TBC1D5: variants seen among roughly 807,000 people sequenced by gnomAD.
TBC1D5 encodes the protein TBC1 domain family, member 5.
In TBC1D5, 75 loss-of-function variants were observed where a neutral mutation model predicts 100.3. The observed-to-expected ratio is 0.75, with a 90% confidence interval of 0.62 to 0.91. The LOEUF is 0.91. Among genes scored for constraint, TBC1D5 ranks in the 40% least tolerant of loss-of-function variants. TBC1D5 has a pLI of 0.00. For missense variants in TBC1D5, 910 were observed against 942.4 expected (o/e 0.97, Z 0.45); for synonymous variants, 323 against 325.6 (o/e 0.99, Z 0.09).
At position 17,234,321 on chromosome 3, in the gene TBC1D5, ATAC is replaced by A. The variant is rs567302984; in HGVS notation, c.1588+3839_1588+3841del. The stretch of plus-strand genomic sequence containing the variant: ...GTGAACTGCATACCCTTCACTTGAT[ATAC>A]TTATTGTAGGCAAGATTTCATTTAC... On this transcript the variant is annotated intron_variant, in intron 17 of 21. Coordinates refer to ENST00000253692, the Ensembl canonical transcript of TBC1D5. Among the ~76,000 whole-genome samples, 14 of 152,262 alleles carry A rather than the reference ATAC, an allele frequency of 9.2e-5. No homozygotes were observed. The East Asian group carries it at 1.5e-3, about 17-fold the overall frequency.
intron 18 of TBC1D5, among the ~76,000 whole-genome samples, chr3:17,198,265 G>A (rs1015813664): frequency 6.6e-6 from 1 of 152,148 alleles, no homozygotes; most frequent in Non-Finnish European, 1.5e-5. Flanking sequence ...CTGCAGCCAT[G>A]AGCCCCCTCC....
chr3:17,675,585 G>T (rs557592757), intron 1 of TBC1D5, among the ~76,000 whole-genome samples: 1 of 152,138 alleles, frequency 6.6e-6, no homozygotes, highest in African/African-American at 2.4e-5. Flanking sequence ...TATGAAAGGA[G>T]GAGTCATGAG....
intron 13 of TBC1D5, among the ~76,000 whole-genome samples, chr3:17,332,696 G>A (rs2087040530): frequency 6.6e-6 from 1 of 151,920 alleles, no homozygotes; most frequent in Non-Finnish European, 1.5e-5. Flanking sequence ...GGGTAATTCA[G>A]GAAATGAAGT....
chr3:17,356,922 C>T (rs1029672406), intron 13 of TBC1D5, among the ~76,000 whole-genome samples: 3 of 151,984 alleles, frequency 2.0e-5, no homozygotes, highest in Non-Finnish European at 4.4e-5. Flanking sequence ...ATCAGTCAAA[C>T]CTTCTTTCTT....
intron 2 of TBC1D5, among the ~76,000 whole-genome samples, chr3:17,533,800 G>A (rs73160923): frequency 0.069 from 10,495 of 152,084 alleles, 710 homozygotes; most frequent in African/African-American, 0.18. Context: ...ATGATTTACT[G>A]ATCAGACAAA....
At chr3:17,225,433 C>T (rs1426439446) in intron 17 of TBC1D5, among the ~76,000 whole-genome samples, 5 of 108,184 alleles carry the variant, frequency 4.6e-5, no homozygotes, top group Non-Finnish European at 3.7e-5. Context: ...GAGTGAGACT[C>T]GGTCTCAAAA....
intron 3 of TBC1D5, among the ~76,000 whole-genome samples, chr3:17,490,611 C>T (rs982934656): frequency 2.0e-5 from 3 of 150,738 alleles, no homozygotes; most frequent in Non-Finnish European, 4.5e-5. Flanking sequence ...TTTTTTTCAA[C>T]AATAATGTTT....
At chr3:17,427,176 TAAC>T (rs1233274092) in intron 4 of TBC1D5, among the ~76,000 whole-genome samples, 1 of 151,982 alleles carries the variant, frequency 6.6e-6, no homozygotes, top group African/African-American at 2.4e-5. Context: ...AGTGAAAATT[TAAC>T]AACAACATAT....
chr3:17,319,026 C>T (rs1191754570), intron 13 of TBC1D5, among the ~76,000 whole-genome samples: 2 of 152,108 alleles, frequency 1.3e-5, no homozygotes, highest in Non-Finnish European at 2.9e-5. Flanking sequence ...AAATTAATTG[C>T]CACTTTTGGT....
intron 15 of TBC1D5, among the ~76,000 whole-genome samples, chr3:17,278,071 G>C (rs2080209866): frequency 6.6e-6 from 1 of 152,204 alleles, no homozygotes; most frequent in Non-Finnish European, 1.5e-5. Context: ...GGATGTGATA[G>C]GTATATTTCT....
At chr3:17,314,299 A>G (rs1006304278) in intron 13 of TBC1D5, among the ~76,000 whole-genome samples, 1 of 152,140 alleles carries the variant, frequency 6.6e-6, no homozygotes, top group Admixed American at 6.5e-5. Flanking sequence ...TCTTGACCAC[A>G]GATGATCTTG....
At chr3:17,172,846 T>A (rs2067300733) in intron 19 of TBC1D5, among the ~76,000 whole-genome samples, 1 of 152,184 alleles carries the variant, frequency 6.6e-6, no homozygotes, top group African/African-American at 2.4e-5. Context: ...GTGCAAAAGG[T>A]AACATAAGCC....
At chr3:17,489,188 A>G (rs2095607865) in intron 3 of TBC1D5, among the ~76,000 whole-genome samples, 1 of 151,520 alleles carries the variant, frequency 6.6e-6, no homozygotes. Flanking sequence ...GCTGTAGTAT[A>G]TGTAGCAACT....
At chr3:17,323,231 C>G (rs1221839921) in intron 13 of TBC1D5, among the ~76,000 whole-genome samples, 2 of 152,154 alleles carry the variant, frequency 1.3e-5, no homozygotes, top group African/African-American at 4.8e-5. Context: ...ATCACAAACT[C>G]TTTTTGAAGA....
intron 13 of TBC1D5, among the ~76,000 whole-genome samples, chr3:17,360,374 A>C (rs911547632): frequency 1.3e-5 from 2 of 152,042 alleles, no homozygotes; most frequent in African/African-American, 4.8e-5. Flanking sequence ...GAAGTTGATC[A>C]AGTCTGGTTA....
intron 3 of TBC1D5, among the ~76,000 whole-genome samples, chr3:17,462,479 C>T (rs959744378): frequency 1.3e-5 from 2 of 151,942 alleles, no homozygotes; most frequent in Non-Finnish European, 2.9e-5. Context: ...GGTCACCACA[C>T]TCAGCTAATT....
chr3:17,394,821 G>A (rs1430462314), intron 8 of TBC1D5, among the ~76,000 whole-genome samples: 1 of 151,964 alleles, frequency 6.6e-6, no homozygotes, highest in African/African-American at 2.4e-5. Context: ...GGGATATGAA[G>A]GCAAAGCAAA....
At chr3:17,376,113 T>C (rs543623522) in intron 10 of TBC1D5, among the ~76,000 whole-genome samples, 1 of 152,312 alleles carries the variant, frequency 6.6e-6, no homozygotes, top group African/African-American at 2.4e-5. Flanking sequence ...TGGCTCCTTA[T>C]GAATTAAGCT....
rs2074683397 is a variant in TBC1D5, at chr3:17,711,047, T to A, written c.-101+28296A>T. On this transcript the variant is annotated intron_variant, in intron 1 of 21. Coordinates refer to ENST00000253692, the Ensembl canonical transcript of TBC1D5. ...AAAACAGTTATTAAAATCTTTATTA[T>A]AATATCCCTAGCACTTAGCATTCAT... is the stretch of plus-strand genomic sequence containing the variant. Among the ~76,000 whole-genome samples the A allele has an allele frequency of 3.3e-5, 5 of 152,172 alleles. No individual in the cohort carries two copies. The South Asian group carries it at 1.0e-3, about 32-fold the overall frequency.
Sources: gnomAD v4.1 joint callset for allele counts (sites outside exome capture counted in the v4.1 genomes callset) on GRCh38, gnomAD v4.1.1 for gene constraint, MANE v1.5 for transcripts, NCBI Gene and HGNC (gene_info 2026-07-23, HGNC 2026-07-21) for gene names.